RERE: variants seen among roughly 807,000 people sequenced by gnomAD.
RERE encodes arginine-glutamic acid dipeptide repeats protein.
A neutral mutation model predicts 146.1 loss-of-function variants in RERE; 40 were observed. The observed-to-expected ratio is 0.27, with a 90% CI of 0.21 to 0.36. RERE has a LOEUF of 0.36. RERE is among the 10% of genes least tolerant of loss of function. RERE has a pLI of 1.00. For synonymous variants in RERE, 1,003 were observed against 866.0 expected (o/e 1.16, Z -2.78); for missense variants, 1,933 against 2,138.7 (o/e 0.90, Z 1.90).
chr1:8,667,885 G>T (rs12040568), intron 1 of RERE, among the ~76,000 whole-genome samples: 34,007 of 152,124 alleles, frequency 0.22, 5,470 homozygotes, highest in East Asian at 0.76. Flanking sequence ...TAACATTTGG[G>T]GACAGATAAT....
rs1434580993 is a variant in RERE at position 8,361,121 on chromosome 1, G to A, written c.2386C>T (p.Pro796Ser). 4 of 1,444,028 alleles carry A rather than the reference G, an allele frequency of 2.8e-6. No homozygotes were observed. The highest frequency in any genetic ancestry group is 1.4e-5 in the African/African-American group (1 of 69,790). 89.5% of individuals were successfully genotyped at this position (1,444,028 alleles called of 1,614,324 possible). Residue 796 changes from proline (P) to serine (S), a missense_variant, in exon 18 of 23, where the codon CCC becomes TCC. Around this residue, in one of 11 missense-constraint regions of RERE, gnomAD observed 1,255 missense variants for 1,153.8 expected, o/e 1.09. Transcript: ENST00000400908. ...GGTGCCTGTTGGATGTGGGTGTGGG[G>A]AACAGGCGCTGTGGGAGCCTGTGGC... The part of the protein sequence containing the change: ...NQPQAPTAPV[P>S]HTHIQQAPAL...
chr1:8,807,880 AC>A (rs1641719918), intron 1 of RERE, among the ~76,000 whole-genome samples: 2 of 152,252 alleles, frequency 1.3e-5, no homozygotes, highest in Admixed American at 6.5e-5. Flanking sequence ...ATATGATGTC[AC>A]CCTGTTTACT....
intron 4 of RERE, among the ~76,000 whole-genome samples, chr1:8,559,568 G>C (rs926289004): frequency 4.6e-5 from 7 of 152,050 alleles, no homozygotes; most frequent in African/African-American, 1.7e-4. Flanking sequence ...ATACCAGTAT[G>C]TTAAATAAAT....
At chr1:8,816,153 T>G (rs573525154) in intron 1 of RERE, among the ~76,000 whole-genome samples, 5 of 152,326 alleles carry the variant, frequency 3.3e-5, no homozygotes, top group African/African-American at 1.2e-4. Context: ...TTATGAAAAC[T>G]GTTTCAAATC....
intron 13 of RERE, among the ~76,000 whole-genome samples, chr1:8,365,195 G>A (rs562355647): frequency 2.0e-4 from 31 of 152,128 alleles, no homozygotes; most frequent in Non-Finnish European, 3.1e-4. Context: ...CAACTTCACC[G>A]AGCGCCCCCA....
intron 6 of RERE, among the ~76,000 whole-genome samples, chr1:8,553,167 G>T (rs528476906): frequency 6.9e-6 from 1 of 145,840 alleles, no homozygotes; most frequent in East Asian, 2.1e-4. Context: ...CCACACATGC[G>T]TGTGCGACAC....
intron 7 of RERE, among the ~76,000 whole-genome samples, chr1:8,509,326 A>G (rs974230318): frequency 6.6e-6 from 1 of 152,100 alleles, no homozygotes; most frequent in East Asian, 1.9e-4. Context: ...CTTCCGTTCA[A>G]AACATCTCAG....
intron 4 of RERE, among the ~76,000 whole-genome samples, chr1:8,591,151 T>C (rs1646487866): frequency 6.6e-6 from 1 of 152,134 alleles, no homozygotes; most frequent in East Asian, 1.9e-4. Flanking sequence ...TCAGATCTAC[T>C]ACATCATGTC....
chr1:8,688,046 G>A (rs1639129462), intron 1 of RERE, among the ~76,000 whole-genome samples: 1 of 152,156 alleles, frequency 6.6e-6, no homozygotes, highest in South Asian at 2.1e-4. Flanking sequence ...CCCAACTTAA[G>A]AGGGTCTAAC....
At chr1:8,789,098 A>T (rs1641311030) in intron 1 of RERE, among the ~76,000 whole-genome samples, 1 of 151,174 alleles carries the variant, frequency 6.6e-6, no homozygotes, top group South Asian at 2.1e-4. Context: ...TAAAAAACTA[A>T]AGTAACTTCT....
chr1:8,595,799 T>C (rs1646548883), intron 4 of RERE, among the ~76,000 whole-genome samples: 2 of 152,132 alleles, frequency 1.3e-5, no homozygotes. Flanking sequence ...TATAGATATA[T>C]TTTAAAAAAG....
chr1:8,797,032 C>T (rs553616821), intron 1 of RERE, among the ~76,000 whole-genome samples: 1 of 151,774 alleles, frequency 6.6e-6, no homozygotes, highest in Non-Finnish European at 1.5e-5. Flanking sequence ...GAGGACCCAA[C>T]AGACGGAAGC....
intron 1 of RERE, among the ~76,000 whole-genome samples, chr1:8,718,277 G>A (rs1458979484): frequency 6.6e-6 from 1 of 152,126 alleles, no homozygotes; most frequent in Non-Finnish European, 1.5e-5. Flanking sequence ...TAGATTTCTA[G>A]AACTTGACAA....
chr1:8,735,834 CCT>C (rs1462283934), intron 1 of RERE, among the ~76,000 whole-genome samples: 4 of 151,802 alleles, frequency 2.6e-5, no homozygotes, highest in South Asian at 4.2e-4. Context: ...GTAAAAGCTC[CCT>C]GAGGCCTCCC....
In RERE at chr1:8,358,311, C is replaced by A; in HGVS notation, c.4224G>T (p.Ser1408=). The stretch of plus-strand genomic sequence containing the variant: ...GTCGGGCCAGGGGATCGCTGGTCAG[C>A]GATGCCATGCGCTCTGCGTGGATAC... ...AERIHAERMA[S]LTSDPLARLQ... is the part of the protein sequence containing the mutation. The change falls in exon 20 of 23, where the codon TCG becomes TCT. Residue 1408 remains serine, a synonymous_variant. Coordinates refer to ENST00000400908, the MANE Select transcript of RERE (RefSeq NM_001042681.2). 6.2e-7 allele frequency: 1 copy of A among 1,613,516 alleles called. No homozygotes were observed. Among genetic ancestry groups the A allele is most frequent in the Non-Finnish European group, 8.5e-7 (1 of 1,179,706 alleles).
At chr1:8,428,901 A>G (rs889602091) in intron 11 of RERE, among the ~76,000 whole-genome samples, 2 of 152,078 alleles carry the variant, frequency 1.3e-5, no homozygotes, top group Non-Finnish European at 2.9e-5. Flanking sequence ...TAGTCCCCCA[A>G]GCCTTGTGCC....
At chr1:8,556,094 T>C (rs549345217) in intron 6 of RERE, among the ~76,000 whole-genome samples, 1 of 152,180 alleles carries the variant, frequency 6.6e-6, no homozygotes, top group South Asian at 2.1e-4. Flanking sequence ...GAACACTTTT[T>C]CCCACCTCAG....
chr1:8,364,071 C>A lies in RERE; in HGVS notation c.1725G>T (p.Arg575=), dbSNP rs776125707. The A allele has an allele frequency of 1.9e-6, 3 of 1,614,148 alleles. No homozygotes were observed. The highest frequency in any genetic ancestry group is 3.3e-5 in the Admixed American group (2 of 60,022). ...GLSGKHSMRT[R]RSRGSMSTLR... is the part of the protein sequence containing the mutation. Reference sequence around the variant, plus strand: ...GGGGACTCACCGAGCCCCGACTCCGCCGTGTCCTCATGCTATGCTTCCCAC... The same window carrying A: ...GGGGACTCACCGAGCCCCGACTCCGACGTGTCCTCATGCTATGCTTCCCAC... The change falls in exon 15 of 23, where the codon CGG becomes CGT. Residue 575 remains arginine, a synonymous_variant. Transcript: ENST00000400908. This position sits in a 1 kb window ranked among gnomAD's most constrained non-coding sequence, Gnocchi z 5.1.
chr1:8,495,004 C>T (rs760710283), intron 10 of RERE, 59 bp downstream of exon 10: 7 of 1,222,986 alleles, frequency 5.7e-6, no homozygotes, highest in Admixed American at 1.7e-5. Context: ...ACATTCCCTA[C>T]AGCCAGTTCA....
Sources: allele counts gnomAD v4.1 joint callset (sites outside exome capture counted in the v4.1 genomes callset), GRCh38; gene constraint gnomAD v4.1.1; regional missense constraint gnomAD v4.1.1; non-coding constraint Gnocchi (gnomAD v3.1); transcripts MANE v1.5; gene names NCBI Gene and HGNC (gene_info 2026-07-23, HGNC 2026-07-21).